The following HMGB1 variants were observed in gnomAD, a reference collection of about 807,000 sequenced individuals.
The protein encoded by HMGB1 is high mobility group protein B1.
For missense variants in HMGB1, 79 were observed against 253.5 expected, an observed-to-expected ratio of 0.31 and a Z score of 4.67; for synonymous variants, 81 against 84.0, an observed-to-expected ratio of 0.96 and a Z score of 0.19.
At chr13:30,527,916 CCTGT>C (rs1442225631) in intron 1 of HMGB1, among the ~76,000 whole-genome samples, 3 of 152,108 alleles carry the variant, frequency 2.0e-5, no homozygotes, top group African/African-American at 7.2e-5. Context: ...CTCCTGCTGC[CCTGT>C]CTCTTTTAAA....
chr13:30,549,758 C>A (rs1869336850), intron 1 of HMGB1, among the ~76,000 whole-genome samples: 1 of 151,320 alleles, frequency 6.6e-6, no homozygotes, highest in Non-Finnish European at 1.5e-5. Flanking sequence ...AGCCTGCACG[C>A]CAGGCTGGAA....
In HMGB1 at chr13:30,456,767, G is replaced by T. The variant is rs1189609613; in HGVS notation, c.*4590C>A. On this transcript the variant is annotated 3_prime_UTR_variant, in exon 5 of 5. Transcript: ENST00000341423. ...AATAACAGCTTTTGTGGGCGGGGGG[G>T]GGGGGTGGTGGGGTGCAATTTATCA... is the stretch of plus-strand genomic sequence containing the variant. The T allele has an allele frequency of 9.7e-6, 1 of 103,184 alleles. No individual in the cohort carries two copies. Among genetic ancestry groups the T allele is most frequent in the African/African-American group, 3.9e-5 (1 of 25,716 alleles). 6.4% of individuals were successfully genotyped at this position (103,184 alleles called of 1,614,324 possible).
At chr13:30,505,509 C>T (rs1232164411) in intron 1 of HMGB1, among the ~76,000 whole-genome samples, 1 of 151,996 alleles carries the variant, frequency 6.6e-6, no homozygotes, top group Non-Finnish European at 1.5e-5. Context: ...ATGGGTTTCA[C>T]CATATTGGTT....
chr13:30,508,372 C>T (rs538131989), intron 1 of HMGB1, among the ~76,000 whole-genome samples: 2 of 151,844 alleles, frequency 1.3e-5, no homozygotes, highest in East Asian at 1.9e-4. Flanking sequence ...ATTAGCTGGG[C>T]GTGGGGGTGT....
chr13:30,468,797 G>C (rs1380668234), upstream of HMGB1, among the ~76,000 whole-genome samples: 1 of 152,162 alleles, frequency 6.6e-6, no homozygotes, highest in Non-Finnish European at 1.5e-5. Context: ...CCACAATCTT[G>C]ATGTTCCTTT....
intron 1 of HMGB1, among the ~76,000 whole-genome samples, chr13:30,581,728 C>T (rs993317819): frequency 6.6e-6 from 1 of 152,072 alleles, no homozygotes; most frequent in Admixed American, 6.6e-5. Context: ...GCCATCTTAA[C>T]GAGGAGGGAG....
chr13:30,602,116 C>T (rs1950409105), intron 1 of HMGB1, among the ~76,000 whole-genome samples: 1 of 152,054 alleles, frequency 6.6e-6, no homozygotes, highest in Non-Finnish European at 1.5e-5. Context: ...AGCACCACAG[C>T]CTCAGACATG....
intron 1 of HMGB1, among the ~76,000 whole-genome samples, chr13:30,557,573 C>T (rs925675709): frequency 6.6e-6 from 1 of 152,180 alleles, no homozygotes; most frequent in Admixed American, 6.5e-5. Context: ...CTTACAGATT[C>T]ACCTTGTAGA....
At chr13:30,521,710 T>C (rs1373763795) in intron 1 of HMGB1, among the ~76,000 whole-genome samples, 1 of 152,230 alleles carries the variant, frequency 6.6e-6, no homozygotes, top group Non-Finnish European at 1.5e-5. Flanking sequence ...ATACGTGTTT[T>C]CACGTCTCTT....
intron 1 of HMGB1, among the ~76,000 whole-genome samples, 177 bp downstream of exon 1, chr13:30,465,619 G>A (rs1229002855): frequency 2.0e-5 from 3 of 151,350 alleles, no homozygotes; most frequent in Non-Finnish European, 4.4e-5. Context: ...GCGCGGGGCA[G>A]CGTTCCCGGC....
chr13:30,464,503 G>C, intron 1 of HMGB1: 1 of 984,772 alleles, frequency 1.0e-6, no homozygotes, highest in African/African-American at 1.8e-5. Flanking sequence ...GCCGGTGGCC[G>C]CGCGGCCGAG....
intron 1 of HMGB1, chr13:30,464,343 G>C (rs1248869682): frequency 1.0e-6 from 1 of 985,426 alleles, no homozygotes; most frequent in East Asian, 1.1e-4. Context: ...CGTCCGGTCT[G>C]AAGTTTCTCC....
chr13:30,512,684 G>A (rs1249436808), intron 1 of HMGB1, among the ~76,000 whole-genome samples: 2 of 152,152 alleles, frequency 1.3e-5, no homozygotes, highest in South Asian at 2.1e-4. Flanking sequence ...AAATGGAGCC[G>A]CTTCCACTCA....
At chr13:30,590,785 T>C (rs1036556281) in intron 1 of HMGB1, among the ~76,000 whole-genome samples, 1 of 152,184 alleles carries the variant, frequency 6.6e-6, no homozygotes, top group Non-Finnish European at 1.5e-5. Flanking sequence ...GTAGCCTCTT[T>C]GACCCTTCCA....
rs143330394 is a variant in HMGB1, at chr13:30,536,297, T to A, written c.-14-72603A>T. Among the ~76,000 whole-genome samples, 1,092 of 151,950 alleles carry A rather than the reference T, an allele frequency of 7.2e-3. 15 individuals carry two copies. The highest frequency in any genetic ancestry group is 0.025 in the African/African-American group (1,035 of 41,470). On this transcript the variant is annotated intron_variant, in intron 1 of 4. Transcript: ENST00000405805. ...ATCATAGGGTATTAGGATTCAGACT[T>A]TTTTTTTAACTTTTGCTTCACAATG...
intron 1 of HMGB1, among the ~76,000 whole-genome samples, chr13:30,608,903 G>A (rs13378263): frequency 0.03 from 4,530 of 152,298 alleles, 247 homozygotes; most frequent in African/African-American, 0.1. Context: ...CCCTCATGGA[G>A]TTTATAGTAT....
At position 30,459,464 on chromosome 13, in the gene HMGB1, T is replaced by C. The variant is rs937661283; in HGVS notation, c.*1893A>G. ...AATGTTGGTGATTAATGGTGATTTC[T>C]ATACAGTAGAAACTTCCATCTAAAT... On this transcript the variant is annotated 3_prime_UTR_variant, in exon 5 of 5. Coordinates refer to ENST00000341423, the MANE Select transcript of HMGB1 (RefSeq NM_002128.7). 2 of 152,238 alleles carry C rather than the reference T, an allele frequency of 1.3e-5. No individual in the cohort carries two copies. The highest frequency in any genetic ancestry group is 2.4e-5 in the African/African-American group (1 of 41,464). The allele number at this position is 152,238 out of a possible 1,614,324, so 9.4% of individuals were successfully genotyped here. A position where few individuals can be genotyped will look rare whatever the true frequency, so the allele number is the denominator to read the frequency against.
intron 1 of HMGB1, among the ~76,000 whole-genome samples, chr13:30,475,329 C>G (rs1228778690): frequency 4.0e-5 from 6 of 150,254 alleles, no homozygotes; most frequent in Non-Finnish European, 8.9e-5. Context: ...TTCACCCCAC[C>G]CCAAGTAGCT....
At chr13:30,467,414 T>C (rs1421782959), upstream of HMGB1, among the ~76,000 whole-genome samples, 1 of 152,238 alleles carries the variant, frequency 6.6e-6, no homozygotes, top group Non-Finnish European at 1.5e-5. Flanking sequence ...TAGATAATCT[T>C]TCCTGTTTTA....
Sources: gnomAD v4.1 joint callset for allele counts (sites outside exome capture counted in the v4.1 genomes callset) on GRCh38, gnomAD v4.1.1 for gene constraint, MANE v1.5 for transcripts, NCBI Gene and HGNC (gene_info 2026-07-23, HGNC 2026-07-21) for gene names.